The following TNNI3K variants were observed in gnomAD, a reference collection of about 807,000 sequenced individuals.
TNNI3K encodes the protein serine/threonine-protein kinase TNNI3K.
A neutral mutation model predicts 114.5 loss-of-function variants in TNNI3K; 140 were observed. The observed-to-expected ratio is 1.22, with a 90% CI of 1.07 to 1.41. The LOEUF is 1.41. TNNI3K is among the 40% of genes most tolerant of loss of function. The pLI is 0.00. For missense variants in TNNI3K, 1,125 were observed against 1,007.6 expected, an observed-to-expected ratio of 1.12 and a Z score of -1.58; for synonymous variants, 347 against 347.5, an observed-to-expected ratio of 1.00 and a Z score of 0.02.
chr1:74,510,303 G>A (rs145872251), intron 23 of TNNI3K, among the ~76,000 whole-genome samples: 1,629 of 152,076 alleles, frequency 0.011, 27 homozygotes, highest in African/African-American at 0.037. Flanking sequence ...TCAGGAGATC[G>A]AGACCATCCT....
chr1:74,251,383 A>G (rs1447423751), intron 4 of TNNI3K, among the ~76,000 whole-genome samples: 3 of 108,884 alleles, frequency 2.8e-5, no homozygotes, highest in African/African-American at 1.0e-4. Flanking sequence ...TATATTATGC[A>G]TTGATCATTT....
At chr1:74,495,312 C>T (rs1234329897) in intron 23 of TNNI3K, among the ~76,000 whole-genome samples, 4 of 152,098 alleles carry the variant, frequency 2.6e-5, no homozygotes, top group African/African-American at 4.8e-5. Context: ...ATCGGTAAAG[C>T]GTTTAGCTAA....
intron 23 of TNNI3K, among the ~76,000 whole-genome samples, chr1:74,506,268 C>T (rs529103883): frequency 5.9e-5 from 9 of 152,266 alleles, no homozygotes; most frequent in African/African-American, 1.9e-4. Context: ...GTATGCCTGT[C>T]GTAGCACAGA....
chr1:74,528,964 T>TG (rs1188811144), intron 23 of TNNI3K, among the ~76,000 whole-genome samples: 2 of 152,166 alleles, frequency 1.3e-5, no homozygotes, highest in East Asian at 3.9e-4. Flanking sequence ...CAAAGAAAGA[T>TG]GGTGACATAA....
At chr1:74,496,030 CA>C (rs1250704431) in intron 23 of TNNI3K, among the ~76,000 whole-genome samples, 1 of 152,186 alleles carries the variant, frequency 6.6e-6, no homozygotes, top group African/African-American at 2.4e-5. Context: ...ACTTTGGCTG[CA>C]CATTAGAATC....
intron 21 of TNNI3K, chr1:74,468,162 A>G (rs1351020968): frequency 1.3e-5 from 2 of 152,154 alleles, no homozygotes; most frequent in Non-Finnish European, 2.9e-5. Flanking sequence ...AGTGACCAAG[A>G]GTACTCATTA....
intron 5 of TNNI3K, among the ~76,000 whole-genome samples, chr1:74,278,470 C>CTG (rs1202635419): frequency 7.2e-5 from 11 of 152,236 alleles, no homozygotes; most frequent in African/African-American, 2.2e-4. Context: ...GAAAACATGC[C>CTG]ATATCTGCAG....
rs767477502 is a variant in TNNI3K at position 74,336,058 on chromosome 1, TGAAGTTGGA to T, written c.594_602del (p.Glu198_Gly200del). 8 of 1,598,740 alleles carry T rather than the reference TGAAGTTGGA, an allele frequency of 5.0e-6. No homozygotes were observed. In the South Asian group the frequency reaches 9.1e-5, roughly 18 times the overall value. On this transcript the variant is annotated inframe_deletion, in exon 7 of 25. Transcript: ENST00000326637. ...TTGGTGCTGATGTAAATGTAAGTGG[TGAAGTTGGA>T]GATAGACCCCTCCACCTAGCATCTG...
intron 23 of TNNI3K, among the ~76,000 whole-genome samples, chr1:74,502,237 T>A (rs1158452254): frequency 6.6e-6 from 1 of 152,164 alleles, no homozygotes; most frequent in East Asian, 1.9e-4. Context: ...GCATAAAATG[T>A]CTCTCCTTTT....
At chr1:74,475,040 C>T (rs1165986493) in intron 21 of TNNI3K, among the ~76,000 whole-genome samples, 1 of 150,548 alleles carries the variant, frequency 6.6e-6, no homozygotes, top group Admixed American at 6.6e-5. Flanking sequence ...GGTGTTGGGC[C>T]TCAAAATTTA....
intron 5 of TNNI3K, among the ~76,000 whole-genome samples, chr1:74,304,289 A>G (rs1242828727): frequency 6.6e-6 from 1 of 152,198 alleles, no homozygotes; most frequent in Non-Finnish European, 1.5e-5. Context: ...GTCTTATTTT[A>G]AGAAGTTTCC....
chr1:74,239,338 T>C (rs544023218), intron 2 of TNNI3K, among the ~76,000 whole-genome samples: 1 of 152,252 alleles, frequency 6.6e-6, no homozygotes, highest in South Asian at 2.1e-4. Flanking sequence ...ATTGTCTTAC[T>C]CACTCATTCA....
chr1:74,415,638 T>C (rs1006148813), intron 17 of TNNI3K, among the ~76,000 whole-genome samples: 2 of 152,004 alleles, frequency 1.3e-5, no homozygotes, highest in African/African-American at 4.8e-5. Flanking sequence ...AATTTCTGAT[T>C]TTTATACTTT....
chr1:74,278,127 G>GTT (rs1656791795), intron 5 of TNNI3K, among the ~76,000 whole-genome samples: 1 of 4,950 alleles, frequency 2.0e-4, no homozygotes, highest in African/African-American at 5.8e-4. Flanking sequence ...ATAAAATATG[G>GTT]TTTCTCTCTC....
intron 20 of TNNI3K, among the ~76,000 whole-genome samples, chr1:74,447,026 T>C (rs1666727690): frequency 7.4e-6 from 1 of 135,902 alleles, no homozygotes; most frequent in African/African-American, 2.7e-5. Context: ...CGATGCGGGC[T>C]CTTTTTTGGT....
chr1:74,378,629 T>TATATATATATATATATATAAA (rs1557531489), intron 17 of TNNI3K: 21 of 135,780 alleles, frequency 1.5e-4, no homozygotes, highest in African/African-American at 5.8e-4. Flanking sequence ...TATATATATA[T>TATATATATATATATATATAAA]ATATATATAT....
Position 74,513,113 on chromosome 1 carries a change from G to T in TNNI3K, c.2351+20847G>T, listed in dbSNP as rs553427830. Among the ~76,000 whole-genome samples, 21 of 152,354 alleles carry T rather than the reference G, an allele frequency of 1.4e-4. No homozygotes were observed. In the East Asian group the frequency reaches 3.9e-3, roughly 28 times the overall value. On this transcript the variant is annotated intron_variant, in intron 23 of 24. Transcript: ENST00000326637. ...TTAGAATCAACCTAGCACACAGCTT[G>T]CTCAGTCGATACTGTTTCACTGGCC...
At chr1:74,255,941 T>A (rs890023165) in intron 4 of TNNI3K, among the ~76,000 whole-genome samples, 1 of 152,240 alleles carries the variant, frequency 6.6e-6, no homozygotes, top group Non-Finnish European at 1.5e-5. Context: ...ACCCATGTTG[T>A]ATATTCTGTA....
intron 23 of TNNI3K, among the ~76,000 whole-genome samples, chr1:74,510,042 A>G (rs1355068428): frequency 6.6e-6 from 1 of 151,932 alleles, no homozygotes; most frequent in Non-Finnish European, 1.5e-5. Context: ...TTGAATTTCA[A>G]TGTCACAGAT....
Sources: gnomAD v4.1 joint callset for allele counts (sites outside exome capture counted in the v4.1 genomes callset) on GRCh38, gnomAD v4.1.1 for gene constraint, MANE v1.5 for transcripts, NCBI Gene and HGNC (gene_info 2026-07-23, HGNC 2026-07-21) for gene names.